Variants in HIVEP3 observed in about 807,000 individuals in gnomAD.
HIVEP3 encodes HIVEP zinc finger 3, also known as transcription factor HIVEP3.
In HIVEP3, 49 loss-of-function variants were observed where a neutral mutation model predicts 152.8. The observed-to-expected ratio is 0.32, with a 90% confidence interval of 0.26 to 0.41. The LOEUF is 0.41. Among genes scored for constraint, HIVEP3 ranks in the 10% least tolerant of loss-of-function variants. The pLI, the probability that HIVEP3 is intolerant of heterozygous loss-of-function variation, is 1.00. For missense variants in HIVEP3, 2,790 were observed against 3,103.3 expected, an observed-to-expected ratio of 0.90 and a Z score of 2.40; for synonymous variants, 1,269 against 1,289.0, an observed-to-expected ratio of 0.98 and a Z score of 0.33.
chr1:41,786,749 T>C (rs1485354399), intron 1 of HIVEP3, among the ~76,000 whole-genome samples: 3 of 143,002 alleles, frequency 2.1e-5, no homozygotes, highest in African/African-American at 3.0e-5. Context: ...CATGTAATTT[T>C]CTTTCTTTTT....
chr1:41,566,120 G>C (rs1206503842), intron 5 of HIVEP3, among the ~76,000 whole-genome samples: 1 of 152,296 alleles, frequency 6.6e-6, no homozygotes, highest in East Asian at 1.9e-4. Context: ...GATTTTTCTT[G>C]AAGGATCATC....
chr1:41,879,332 C>T (rs1180259268), intron 1 of HIVEP3, among the ~76,000 whole-genome samples: 4 of 152,202 alleles, frequency 2.6e-5, no homozygotes, highest in Admixed American at 6.5e-5. Context: ...ATCCCTCCAT[C>T]GTCCAGACAG....
intron 7 of HIVEP3, among the ~76,000 whole-genome samples, chr1:41,514,941 C>A (rs1251491378): frequency 2.0e-5 from 3 of 152,214 alleles, no homozygotes; most frequent in African/African-American, 7.2e-5. Context: ...CCCAACCAGT[C>A]GGGTCACCTC....
intron 1 of HIVEP3, among the ~76,000 whole-genome samples, chr1:41,951,716 C>T (rs985374416): frequency 6.6e-6 from 1 of 152,060 alleles, no homozygotes; most frequent in African/African-American, 2.4e-5. Context: ...CAGCAGGGGA[C>T]AGAATGAGTG....
At chr1:41,576,647 G>A (rs953306757) in intron 4 of HIVEP3, among the ~76,000 whole-genome samples, 3 of 152,160 alleles carry the variant, frequency 2.0e-5, no homozygotes, top group African/African-American at 7.2e-5. Flanking sequence ...ATCTAAGAAC[G>A]GCAGTCCCCT....
chr1:41,529,231 T>C, intron 5 of HIVEP3, among the ~76,000 whole-genome samples: 2 of 84,374 alleles, frequency 2.4e-5, no homozygotes, highest in Non-Finnish European at 2.2e-5. Context: ...CCCTCACACA[T>C]GCTCACACCC....
chr1:41,538,374 A>G (rs1427289170), intron 5 of HIVEP3, among the ~76,000 whole-genome samples: 1 of 152,114 alleles, frequency 6.6e-6, no homozygotes, highest in East Asian at 1.9e-4. Context: ...ATAAGAGGGG[A>G]GAGTGGGTCA....
At chr1:41,960,701 CCT>C (rs1487970254) in intron 1 of HIVEP3, among the ~76,000 whole-genome samples, 1 of 152,124 alleles carries the variant, frequency 6.6e-6, no homozygotes, top group Non-Finnish European at 1.5e-5. Context: ...CCATCTAGGC[CCT>C]GTTTCTAGGT....
At chr1:41,539,482 C>T (rs907603589) in intron 5 of HIVEP3, among the ~76,000 whole-genome samples, 1 of 152,238 alleles carries the variant, frequency 6.6e-6, no homozygotes, top group African/African-American at 2.4e-5. Flanking sequence ...GCACAGAAGC[C>T]CTCAGGTGGG....
intron 2 of HIVEP3, among the ~76,000 whole-genome samples, chr1:41,692,630 A>G (rs1335486194): frequency 1.3e-5 from 2 of 152,240 alleles, no homozygotes; most frequent in Non-Finnish European, 2.9e-5. Flanking sequence ...GTTTGTGAGG[A>G]CTTTATAGAA....
intron 5 of HIVEP3, among the ~76,000 whole-genome samples, chr1:41,536,775 A>C (rs1643411713): frequency 6.6e-6 from 1 of 152,178 alleles, no homozygotes; most frequent in Non-Finnish European, 1.5e-5. Context: ...CTTTACATGC[A>C]TTACCTCATT....
At chr1:41,775,842 C>T (rs1648674302) in intron 1 of HIVEP3, among the ~76,000 whole-genome samples, 1 of 152,164 alleles carries the variant, frequency 6.6e-6, no homozygotes, top group Admixed American at 6.5e-5. Context: ...CATGGATTCA[C>T]TGTATGGCAA....
intron 2 of HIVEP3, among the ~76,000 whole-genome samples, chr1:41,651,709 T>C (rs182786388): frequency 7.2e-4 from 110 of 152,358 alleles, no homozygotes; most frequent in Admixed American, 2.5e-3. Flanking sequence ...ATAATTTTCA[T>C]TGATACCAAT....
At chr1:41,557,146 C>A (rs1165739800) in intron 5 of HIVEP3, among the ~76,000 whole-genome samples, 2 of 152,146 alleles carry the variant, frequency 1.3e-5, no homozygotes, top group African/African-American at 2.4e-5. Flanking sequence ...CACTGTTATA[C>A]CCCCAACACC....
At chr1:41,702,720 A>C (rs1646381151) in intron 1 of HIVEP3, among the ~76,000 whole-genome samples, 1 of 152,200 alleles carries the variant, frequency 6.6e-6, no homozygotes, top group Non-Finnish European at 1.5e-5. Context: ...CTGTCTCCCC[A>C]CAGAGTCTAG....
At chr1:41,709,049 G>A (rs1161632678) in intron 1 of HIVEP3, among the ~76,000 whole-genome samples, 1 of 152,172 alleles carries the variant, frequency 6.6e-6, no homozygotes, top group African/African-American at 2.4e-5. Context: ...GAGAATCTGG[G>A]GAAGATGTTC....
At chr1:41,839,486 ATT>A (rs1295780597) in intron 1 of HIVEP3, among the ~76,000 whole-genome samples, 1 of 152,210 alleles carries the variant, frequency 6.6e-6, no homozygotes, top group Non-Finnish European at 1.5e-5. Context: ...TCCAGGAAGC[ATT>A]CTTTGACCCA....
chr1:41,574,602 G>A (rs1023271607), intron 5 of HIVEP3, among the ~76,000 whole-genome samples: 1 of 152,200 alleles, frequency 6.6e-6, no homozygotes, highest in African/African-American at 2.4e-5. Flanking sequence ...CTGACCCTGT[G>A]AGTTAGGCGC....
intron 5 of HIVEP3, chr1:41,543,112 C>T (rs906657565): frequency 1.3e-5 from 2 of 152,216 alleles, no homozygotes; most frequent in African/African-American, 4.8e-5. Flanking sequence ...CTCACCTACC[C>T]GCTGCCTTAA....
Sources: allele counts gnomAD v4.1 joint callset (sites outside exome capture counted in the v4.1 genomes callset), GRCh38; gene constraint gnomAD v4.1.1; transcripts MANE v1.5; gene names NCBI Gene and HGNC (gene_info 2026-07-23, HGNC 2026-07-21).